Variants in ZNF385C observed in about 807,000 individuals in gnomAD.
ZNF385C encodes the protein CTD-2132N18.2.
In ZNF385C, 28 loss-of-function variants were observed where a neutral mutation model predicts 35.4. That is an observed-to-expected ratio of 0.79 (90% CI 0.59 to 1.08). ZNF385C has a LOEUF of 1.08. Ranked by LOEUF, ZNF385C falls within the 50% of genes least tolerant of loss-of-function variation. The pLI is 0.00. For missense variants in ZNF385C, 605 were observed against 595.6 expected, an observed-to-expected ratio of 1.02 and a Z score of -0.16; for synonymous variants, 248 against 248.2, an observed-to-expected ratio of 1.00 and a Z score of 0.01.
chr17:42,091,432 C>T (rs1405141761), intron 1 of ZNF385C, among the ~76,000 whole-genome samples: 3 of 152,120 alleles, frequency 2.0e-5, no homozygotes, highest in Non-Finnish European at 2.9e-5. Context: ...GGTGGCAGAG[C>T]GAGACTTCAT....
At position 42,037,824 on chromosome 17, in the gene ZNF385C, A is replaced by G; in HGVS notation, c.312T>C (p.Pro104=). Residue 104 remains proline (P), a synonymous_variant, in exon 3 of 9, where the codon CCT becomes CCC. Coordinates refer to ENST00000692273, the MANE Select transcript of ZNF385C (RefSeq NM_001392013.1). ...GCTTGAAGTCCAGCGGGGGCTGCAG[A>G]GGCCGGGTGGGCAGGGGCAGGGAGG... ...LLASLPLPTR[P]LQPPLDFKHL... The G allele has an allele frequency of 6.6e-7, 1 of 1,519,282 alleles. No homozygotes were observed. Among genetic ancestry groups the G allele is most frequent in the Non-Finnish European group, 8.8e-7 (1 of 1,131,852 alleles). The allele number at this position is 1,519,282 out of a possible 1,614,324, so 94.1% of individuals were successfully genotyped here.
At chr17:42,067,737 C>T (rs1486997401) in intron 1 of ZNF385C, among the ~76,000 whole-genome samples, 2 of 152,140 alleles carry the variant, frequency 1.3e-5, no homozygotes. Context: ...TCTCCATGTC[C>T]TCCCCAACTC....
At chr17:42,040,334 C>A in intron 2 of ZNF385C, 1 of 1,231,834 alleles carries the variant, frequency 8.1e-7, no homozygotes, top group Non-Finnish European at 1.0e-6. Flanking sequence ...GTGCAGCGTC[C>A]GCTGCTGGCG....
At chr17:42,033,952 G>A (rs1261050611) in intron 4 of ZNF385C, among the ~76,000 whole-genome samples, 2 of 151,938 alleles carry the variant, frequency 1.3e-5, no homozygotes, top group Non-Finnish European at 2.9e-5. Flanking sequence ...CTTGCAGAAG[G>A]ATCCAGAACA....
rs1598177288 is a variant in ZNF385C, at chr17:42,028,345, C to T, written c.968-99G>A. 6.6e-6 allele frequency: 8 copies of T among 1,220,238 alleles called. No homozygotes were observed. The East Asian group carries it at 2.0e-4, about 30-fold the overall frequency. The allele number at this position is 1,220,238 out of a possible 1,614,324, so 75.6% of individuals were successfully genotyped here. A position where few individuals can be genotyped will look rare whatever the true frequency, so the allele number is the denominator to read the frequency against. On this transcript the variant is annotated intron_variant, in intron 6 of 8. Transcript: ENST00000692273. ...ATGCAATTTGGCTCTCCCTGTAAGCCTCACGGCTGCTCTGTGCACACATCG... is the reference window on the plus strand; with the variant it reads ...ATGCAATTTGGCTCTCCCTGTAAGCTTCACGGCTGCTCTGTGCACACATCG...
rs538934169 is a variant in ZNF385C, at chr17:42,038,045, C to T, written c.251-160G>A. Reference sequence around the variant, plus strand: ...GACCCATAGTGATTATAGCCCCCTTCTCTGTGCCCTTCCTCCCCACAGCTG... The same window carrying T: ...GACCCATAGTGATTATAGCCCCCTTTTCTGTGCCCTTCCTCCCCACAGCTG... On this transcript the variant is annotated intron_variant, in intron 2 of 8. Coordinates refer to ENST00000692273, the MANE Select transcript of ZNF385C (RefSeq NM_001392013.1). 2.6e-6 allele frequency: 4 copies of T among 1,535,708 alleles called. No homozygotes were observed. The African/African-American group carries it at 5.5e-5, about 21-fold the overall frequency.
At position 42,028,915 on chromosome 17, in the gene ZNF385C, C is replaced by T. The variant is rs1567983070; in HGVS notation, c.835G>A (p.Gly279Arg). 6.4e-7 allele frequency: 1 copy of T among 1,550,590 alleles called. No homozygotes were observed. The highest frequency in any genetic ancestry group is 1.2e-5 in the South Asian group (1 of 84,068). ...CSPEPGREAP[G>R]PEPAAAAVGS... Reference sequence around the variant, plus strand: ...ACGGCAGCTGCCGCTGGCTCAGGCCCCGGTGCCTCTCTCCCAGGCTCTGGG... The same window carrying T: ...ACGGCAGCTGCCGCTGGCTCAGGCCTCGGTGCCTCTCTCCCAGGCTCTGGG... Residue 279 changes from glycine (G) to arginine (R), a missense_variant, in exon 6 of 9, where the codon GGG (glycine) becomes AGG (arginine). Physicochemically the swap from Gly to Arg is moderately radical, Grantham distance 125. Coordinates refer to ENST00000692273, the MANE Select transcript of ZNF385C (RefSeq NM_001392013.1).
chr17:42,078,676 A>G (rs1221851278), intron 1 of ZNF385C, among the ~76,000 whole-genome samples: 1 of 152,200 alleles, frequency 6.6e-6, no homozygotes, highest in African/African-American at 2.4e-5. Context: ...CTCCTGGACC[A>G]TGACCAGATG....
At position 42,056,023 on chromosome 17, in the gene ZNF385C, C is replaced by T. The variant is rs140425036; in HGVS notation, c.250+6784G>A. On this transcript the variant is annotated intron_variant, in intron 2 of 8. Coordinates refer to ENST00000692273, the MANE Select transcript of ZNF385C (RefSeq NM_001392013.1). ...TATAGTCTGACTCGATCTCTGCTAA[C>T]CTGTCCCCCGTACTGTCTACCTTGC... Among the ~76,000 whole-genome samples the T allele has an allele frequency of 1.6e-4, 25 of 152,354 alleles. 1 individual carries two copies. Among genetic ancestry groups the T allele is most frequent in the African/African-American group, 6.0e-4 (25 of 41,572 alleles).
chr17:42,072,265 G>A (rs2053635745), intron 1 of ZNF385C, among the ~76,000 whole-genome samples: 1 of 151,998 alleles, frequency 6.6e-6, no homozygotes, highest in Non-Finnish European at 1.5e-5. Context: ...CTCTCCTTAG[G>A]GTGGGTGGGA....
chr17:42,037,104 C>G (rs1409752654), intron 3 of ZNF385C, among the ~76,000 whole-genome samples: 4 of 152,066 alleles, frequency 2.6e-5, no homozygotes, highest in Non-Finnish European at 4.4e-5. Context: ...GAACAATTCA[C>G]ACTCATGCAC....
Position 42,026,691 on chromosome 17 carries a change from G to A in ZNF385C, c.*206C>T, listed in dbSNP as rs2052585150. On this transcript the variant is annotated 3_prime_UTR_variant, in exon 9 of 9. Transcript: ENST00000692273. Reference sequence around the variant, plus strand: ...GGGTGGGAAATGCAGGCAAGCCTAGGATTAACCCTGGAAGGCCTGCGAAAG... The same window carrying A: ...GGGTGGGAAATGCAGGCAAGCCTAGAATTAACCCTGGAAGGCCTGCGAAAG... 1 of 620,218 alleles carries A rather than the reference G, an allele frequency of 1.6e-6. No homozygotes were observed. The highest frequency in any genetic ancestry group is 1.8e-5 in the African/African-American group (1 of 54,290). The allele number at this position is 620,218 out of a possible 1,614,324, so 38.4% of individuals were successfully genotyped here.
intron 4 of ZNF385C, among the ~76,000 whole-genome samples, chr17:42,032,477 C>T (rs1436798523): frequency 6.6e-6 from 1 of 152,174 alleles, no homozygotes; most frequent in African/African-American, 2.4e-5. Flanking sequence ...ACATGAATTA[C>T]AAGGGCCGAG....
At chr17:42,040,435 A>C (rs2052989908) in intron 2 of ZNF385C, 3 of 1,232,006 alleles carry the variant, frequency 2.4e-6, no homozygotes, top group Non-Finnish European at 3.0e-6. Context: ...CGCAGCCGCC[A>C]TCACCAGAGG....
At chr17:42,033,772 A>AAAAAAACAAAACAAAACAAAACAAAAC (rs1555655164) in intron 4 of ZNF385C, among the ~76,000 whole-genome samples, 2 of 152,036 alleles carry the variant, frequency 1.3e-5, no homozygotes, top group African/African-American at 4.8e-5. Flanking sequence ...AACAAAACAA[A>AAAAAAACAAAACAAAACAAAACAAAAC]AAAATCCCGC....
Position 42,025,711 on chromosome 17 carries a change from A to G in ZNF385C, c.*1186T>C, listed in dbSNP as rs1193136641. ...TCTTTAAAAAACAAAAAAAAGATACAGGGGGATACTGGCAGGGTCCCATAT... is the reference window on the plus strand; with the variant it reads ...TCTTTAAAAAACAAAAAAAAGATACGGGGGGATACTGGCAGGGTCCCATAT... On this transcript the variant is annotated 3_prime_UTR_variant, in exon 9 of 9. Transcript: ENST00000692273. 5 of 152,496 alleles carry G rather than the reference A, an allele frequency of 3.3e-5. No individual in the cohort carries two copies. Among genetic ancestry groups the G allele is most frequent in the African/African-American group, 1.2e-4 (5 of 41,398 alleles). The allele number at this position is 152,496 out of a possible 1,614,324, so 9.4% of individuals were successfully genotyped here.
chr17:42,065,717 C>CAT (rs2053537804), intron 1 of ZNF385C, among the ~76,000 whole-genome samples: 3 of 152,106 alleles, frequency 2.0e-5, no homozygotes, highest in Non-Finnish European at 4.4e-5. Context: ...TCAATAGAGA[C>CAT]AGGGTCTCGC....
chr17:42,063,987 C>T (rs1433602917), intron 1 of ZNF385C, among the ~76,000 whole-genome samples: 2 of 151,910 alleles, frequency 1.3e-5, no homozygotes, highest in Non-Finnish European at 2.9e-5. Flanking sequence ...TTGGTGGTTT[C>T]GGTAGAGACC....
chr17:42,089,181 T>C (rs1555660310), intron 1 of ZNF385C, among the ~76,000 whole-genome samples: 2 of 152,054 alleles, frequency 1.3e-5, no homozygotes, highest in Non-Finnish European at 1.5e-5. Flanking sequence ...CTGGGTGTGG[T>C]GGTGCACACC....
Sources: allele counts gnomAD v4.1 joint callset (sites outside exome capture counted in the v4.1 genomes callset), GRCh38; gene constraint gnomAD v4.1.1; transcripts MANE v1.5; gene names NCBI Gene and HGNC (gene_info 2026-07-23, HGNC 2026-07-21).